Variants in ENPEP observed in about 807,000 individuals in gnomAD.
The protein encoded by ENPEP is glutamyl aminopeptidase, also known as AP-A.
In ENPEP, 103 loss-of-function variants were observed where a neutral mutation model predicts 114.5. The observed-to-expected ratio is 0.90, with a 90% CI of 0.77 to 1.06. ENPEP has a LOEUF of 1.06. Among genes scored for constraint, ENPEP ranks in the 50% least tolerant of loss-of-function variants. The pLI is 0.00. For synonymous variants in ENPEP, 420 were observed against 422.0 expected (o/e 1.00, Z 0.06); for missense variants, 1,196 against 1,161.3 (o/e 1.03, Z -0.43).
At chr4:110,485,963 C>A (rs1208054296) in intron 1 of ENPEP, among the ~76,000 whole-genome samples, 1 of 152,064 alleles carries the variant, frequency 6.6e-6, no homozygotes, top group African/African-American at 2.4e-5. Context: ...GTCCACCAAG[C>A]GTCTCCATTG....
At chr4:110,531,427 A>G (rs944129727) in intron 11 of ENPEP, 150 bp downstream of exon 11, 41 of 567,458 alleles carry the variant, frequency 7.2e-5, no homozygotes, top group Non-Finnish European at 1.0e-4. Context: ...CCAAATCTTC[A>G]TCTACAATCA....
chr4:110,494,696 A>G (rs1346433246), intron 3 of ENPEP, among the ~76,000 whole-genome samples: 3 of 152,190 alleles, frequency 2.0e-5, no homozygotes, highest in Admixed American at 6.5e-5. Flanking sequence ...CATGAGAAAA[A>G]TTAAATTGGT....
intron 5 of ENPEP, 39 bp downstream of exon 5, chr4:110,509,846 AG>A (rs753669811): frequency 3.1e-6 from 5 of 1,593,094 alleles, no homozygotes; most frequent in Non-Finnish European, 4.3e-6. Flanking sequence ...GTTTTTTTAA[AG>A]TGGCTTAAGA....
chr4:110,559,307 G>T (rs998865713), intron 18 of ENPEP: 1 of 185,542 alleles, frequency 5.4e-6, no homozygotes, highest in Admixed American at 6.0e-5. Context: ...GTAAGAATTG[G>T]GTTACCTGTG....
chr4:110,519,918 G>T (rs1725919184), intron 8 of ENPEP, 90 bp from the exon 9 acceptor site: 2 of 1,171,478 alleles, frequency 1.7e-6, no homozygotes, highest in Non-Finnish European at 2.5e-6. Flanking sequence ...AATGGAGGTA[G>T]AATTGAGTAG....
chr4:110,524,560 A>C (rs1206984057), intron 10 of ENPEP, among the ~76,000 whole-genome samples: 1 of 152,204 alleles, frequency 6.6e-6, no homozygotes, highest in Non-Finnish European at 1.5e-5. Context: ...AATTTTTTCT[A>C]TATATTTTAT....
chr4:110,547,089 A>G (rs1727098074), intron 13 of ENPEP, among the ~76,000 whole-genome samples: 1 of 152,090 alleles, frequency 6.6e-6, no homozygotes, highest in Admixed American at 6.6e-5. Flanking sequence ...CAGGAAAACA[A>G]AAAACAAACC....
rs1727734852 is a variant in ENPEP, at chr4:110,563,339, A to G, written c.*1781A>G. The G allele has an allele frequency of 6.6e-6, 1 of 152,190 alleles. No homozygotes were observed. Among genetic ancestry groups the G allele is most frequent in the Admixed American group, 6.5e-5 (1 of 15,270 alleles). 9.4% of individuals were successfully genotyped at this position (152,190 alleles called of 1,614,324 possible). The stretch of plus-strand genomic sequence containing the variant: ...AAACAGATTTCAACTTGCCTACAAG[A>G]CATTCTATTTCATGCCTTTTCCTTT... On this transcript the variant is annotated 3_prime_UTR_variant, in exon 20 of 20. Coordinates refer to ENST00000265162, the MANE Select transcript of ENPEP (RefSeq NM_001977.4).
intron 1 of ENPEP, among the ~76,000 whole-genome samples, chr4:110,486,948 G>C (rs190402325): frequency 6.6e-6 from 1 of 152,252 alleles, no homozygotes; most frequent in Non-Finnish European, 1.5e-5. Flanking sequence ...GAAGTGGGGA[G>C]TGCTGATTGG....
rs749488856 is a variant in ENPEP at position 110,520,222 on chromosome 4, G to T, written c.1583G>T (p.Arg528Met). The T allele has an allele frequency of 1.9e-6, 3 of 1,613,494 alleles. No individual in the cohort carries two copies. The highest frequency in any genetic ancestry group is 2.5e-6 in the Non-Finnish European group (3 of 1,179,702). The change falls in exon 10 of 20, where the codon AGG becomes ATG. Residue 528 changes from arginine (R) to methionine (M), a missense_variant. Transcript: ENST00000265162. Reference sequence around the variant, plus strand: ...TTTTGTTTTCAATCTTAGGCAAGTAGGCTACCAGTGAAAGAAGTAATGGAC... The same window carrying T: ...TTTTGTTTTCAATCTTAGGCAAGTATGCTACCAGTGAAAGAAGTAATGGAC... ...DFWAALEEAS[R>M]LPVKEVMDTW... is the part of the protein sequence containing the mutation.
intron 3 of ENPEP, among the ~76,000 whole-genome samples, chr4:110,493,944 T>C (rs1271673447): frequency 1.3e-5 from 2 of 151,898 alleles, no homozygotes; most frequent in African/African-American, 4.8e-5. Flanking sequence ...AAGAAAAACA[T>C]CCAAGACAAA....
intron 1 of ENPEP, among the ~76,000 whole-genome samples, chr4:110,479,150 G>C (rs1354606488): frequency 6.6e-6 from 1 of 152,142 alleles, no homozygotes; most frequent in Non-Finnish European, 1.5e-5. Flanking sequence ...GACATAGATA[G>C]CTGTGGCATA....
chr4:110,559,296 G>T, intron 18 of ENPEP: 1 of 175,198 alleles, frequency 5.7e-6, no homozygotes, highest in Non-Finnish European at 1.2e-5. Context: ...ATGTTCTGTT[G>T]GTAAGAATTG....
intron 1 of ENPEP, among the ~76,000 whole-genome samples, chr4:110,480,437 C>G (rs1266226475): frequency 3.9e-5 from 6 of 152,150 alleles, no homozygotes; most frequent in Non-Finnish European, 1.5e-5. Context: ...GCCTTTCTTT[C>G]ATACTATAGA....
At chr4:110,489,356 C>G (rs554588415) in intron 2 of ENPEP, among the ~76,000 whole-genome samples, 2 of 151,904 alleles carry the variant, frequency 1.3e-5, no homozygotes, top group African/African-American at 4.8e-5. Flanking sequence ...GGAAATTGAA[C>G]AACAAGAACA....
chr4:110,515,132 C>T (rs925166453), intron 7 of ENPEP, among the ~76,000 whole-genome samples: 4 of 151,964 alleles, frequency 2.6e-5, no homozygotes, highest in African/African-American at 4.8e-5. Context: ...ATCTGAAGTC[C>T]CTGAAATGAT....
intron 10 of ENPEP, 124 bp from the exon 11 acceptor site, chr4:110,531,074 A>G (rs1249405216): frequency 6.6e-6 from 3 of 457,182 alleles, no homozygotes; most frequent in Non-Finnish European, 1.1e-5. Context: ...TTAATTGTGT[A>G]GTATGGACTA....
chr4:110,515,177 A>G (rs1313445942), intron 7 of ENPEP, among the ~76,000 whole-genome samples, 200 bp from the exon 8 acceptor site: 1 of 152,154 alleles, frequency 6.6e-6, no homozygotes, highest in Admixed American at 6.5e-5. Context: ...CCTTTTAGTT[A>G]TTTTAGATGC....
At position 110,515,912 on chromosome 4, in the gene ENPEP, G is replaced by A. The variant is rs191516425; in HGVS notation, c.1509+470G>A. The A allele has an allele frequency of 6.9e-4, 294 of 426,218 alleles. 5 individuals are homozygous for A. The East Asian group carries it at 0.02, about 29-fold the overall frequency. 26.4% of individuals were successfully genotyped at this position (426,218 alleles called of 1,614,324 possible). ...AGAGAGAGAGAGGGAGAGAGAGAGA[G>A]CACTCTGGTGTCTCTTATAAGGATA... On this transcript the variant is annotated intron_variant, in intron 8 of 19. Coordinates refer to ENST00000265162, the MANE Select transcript of ENPEP (RefSeq NM_001977.4).
Sources: gnomAD v4.1 joint callset for allele counts (sites outside exome capture counted in the v4.1 genomes callset) on GRCh38, gnomAD v4.1.1 for gene constraint, MANE v1.5 for transcripts, NCBI Gene and HGNC (gene_info 2026-07-23, HGNC 2026-07-21) for gene names.